The following CCSER1 variants were observed in gnomAD, a reference collection of about 807,000 sequenced individuals.
CCSER1 encodes coiled-coil serine rich protein 1.
Under a neutral mutation model 82.0 loss-of-function variants are expected in CCSER1, and 41 were observed. The ratio of observed to expected loss-of-function variants is 0.50; its 90% confidence interval spans 0.39 to 0.65. The LOEUF is 0.65. CCSER1 is among the 30% of genes least tolerant of loss of function. CCSER1 has a pLI of 0.00. For missense variants in CCSER1, 1,119 were observed against 1,064.2 expected, an observed-to-expected ratio of 1.05 and a Z score of -0.72; for synonymous variants, 414 against 383.9, an observed-to-expected ratio of 1.08 and a Z score of -0.92.
At position 90,815,810 on chromosome 4, in the gene CCSER1, A is replaced by G. The variant is rs1758936224; in HGVS notation, c.2059A>G (p.Lys687Glu). The G allele has an allele frequency of 1.9e-6, 3 of 1,551,278 alleles. No homozygotes were observed. Among genetic ancestry groups the G allele is most frequent in the Non-Finnish European group, 2.6e-6 (3 of 1,146,800 alleles). ...GATGCTCAAGCTGCAGCTGAAAGAGAAGGATGAACTCATTTCCCAACTTCA... is the reference window on the plus strand; with the variant it reads ...GATGCTCAAGCTGCAGCTGAAAGAGGAGGATGAACTCATTTCCCAACTTCA... ...CSMLKLQLKE[K>E]DELISQLQEE... Residue 687 changes from lysine to glutamate, a missense_variant, in exon 8 of 11, where the codon AAG becomes GAG. Transcript: ENST00000509176.
At chr4:90,646,574 A>G (rs1275239358) in intron 6 of CCSER1, among the ~76,000 whole-genome samples, 8 of 152,178 alleles carry the variant, frequency 5.3e-5, no homozygotes, top group Admixed American at 4.6e-4. Context: ...ACCAGGAAGT[A>G]TGTCTGCATT....
intron 9 of CCSER1, among the ~76,000 whole-genome samples, chr4:90,932,916 A>AGG (rs1241015813): frequency 1.1e-3 from 19 of 16,890 alleles, no homozygotes; most frequent in Admixed American, 1.7e-3. Context: ...AGGAGAAAGA[A>AGG]AGAAAGAAAG....
At chr4:91,027,947 T>C (rs1740636331) in intron 9 of CCSER1, among the ~76,000 whole-genome samples, 1 of 152,048 alleles carries the variant, frequency 6.6e-6, no homozygotes, top group South Asian at 2.1e-4. Context: ...GCTGAATATA[T>C]TCTAATCATT....
intron 4 of CCSER1, among the ~76,000 whole-genome samples, chr4:90,423,490 C>T (rs1231569080): frequency 6.6e-6 from 1 of 152,020 alleles, no homozygotes; most frequent in South Asian, 2.1e-4. Flanking sequence ...TCCCAAAGTG[C>T]GGGGAATACA....
At chr4:91,541,129 C>T (rs900864412) in intron 10 of CCSER1, among the ~76,000 whole-genome samples, 2 of 152,112 alleles carry the variant, frequency 1.3e-5, no homozygotes, top group South Asian at 2.1e-4. Flanking sequence ...GAACAAGTTG[C>T]GGCAAAGTGA....
chr4:91,054,813 G>A (rs919924824), intron 9 of CCSER1, among the ~76,000 whole-genome samples: 1 of 152,028 alleles, frequency 6.6e-6, no homozygotes, highest in African/African-American at 2.4e-5. Flanking sequence ...GCTCCAATTA[G>A]CATTCCCTTT....
intron 10 of CCSER1, among the ~76,000 whole-genome samples, chr4:91,567,787 C>T (rs1354040752): frequency 2.0e-5 from 3 of 152,056 alleles, no homozygotes; most frequent in African/African-American, 7.2e-5. Flanking sequence ...CTCTTGAAGA[C>T]AGCTACCCAC....
chr4:91,264,043 T>A (rs1209587551), intron 10 of CCSER1, among the ~76,000 whole-genome samples: 2 of 151,940 alleles, frequency 1.3e-5, no homozygotes, highest in East Asian at 3.9e-4. Context: ...AGAGAAATAA[T>A]TACACTACCA....
chr4:91,214,568 A>C (rs1026279845), intron 10 of CCSER1, among the ~76,000 whole-genome samples: 1 of 152,198 alleles, frequency 6.6e-6, no homozygotes, highest in African/African-American at 2.4e-5. Flanking sequence ...CTAGACTAGA[A>C]ACTACTTGTG....
chr4:90,780,263 A>G (rs1753567381), intron 7 of CCSER1, among the ~76,000 whole-genome samples: 2 of 152,096 alleles, frequency 1.3e-5, no homozygotes, highest in African/African-American at 2.4e-5. Context: ...TTGTTTTCCA[A>G]AAAGGAGATA....
At chr4:90,408,013 A>T (rs1351933432) in intron 4 of CCSER1, among the ~76,000 whole-genome samples, 1 of 152,142 alleles carries the variant, frequency 6.6e-6, no homozygotes, top group Admixed American at 6.5e-5. Flanking sequence ...AGAGGGTCCT[A>T]CGTCCACGGA....
chr4:91,342,185 T>G (rs1578226138), intron 10 of CCSER1, among the ~76,000 whole-genome samples: 1 of 152,190 alleles, frequency 6.6e-6, no homozygotes, highest in Admixed American at 6.5e-5. Flanking sequence ...TTGTTAAAAT[T>G]ATCATACCCA....
At chr4:91,247,909 A>G (rs1256177534) in intron 10 of CCSER1, among the ~76,000 whole-genome samples, 1 of 151,882 alleles carries the variant, frequency 6.6e-6, no homozygotes, top group Admixed American at 6.6e-5. Context: ...ACAACAAAAA[A>G]CACGAACCGG....
chr4:90,449,064 G>T (rs1474618423), intron 4 of CCSER1, among the ~76,000 whole-genome samples: 3 of 152,170 alleles, frequency 2.0e-5, no homozygotes, highest in African/African-American at 7.2e-5. Flanking sequence ...CTCTCAGCTA[G>T]GAGGGAAACC....
chr4:90,775,763 G>A (rs945973434), intron 7 of CCSER1, among the ~76,000 whole-genome samples: 1 of 152,082 alleles, frequency 6.6e-6, no homozygotes, highest in African/African-American at 2.4e-5. Context: ...TATTCTTTGT[G>A]GAGTAAGAGA....
intron 7 of CCSER1, among the ~76,000 whole-genome samples, chr4:90,774,220 G>A (rs368279471): frequency 2.1e-4 from 32 of 152,188 alleles, no homozygotes; most frequent in South Asian, 6.2e-4. Flanking sequence ...GTTAATCAGC[G>A]TTTAGGAAAA....
intron 10 of CCSER1, among the ~76,000 whole-genome samples, chr4:91,129,202 G>A (rs919354443): frequency 2.6e-5 from 4 of 152,016 alleles, no homozygotes; most frequent in African/African-American, 4.8e-5. Context: ...TTCTGTCTGT[G>A]TTAGTTTGCT....
At chr4:90,876,913 A>T (rs2150054533) in intron 8 of CCSER1, among the ~76,000 whole-genome samples, 1 of 152,228 alleles carries the variant, frequency 6.6e-6, no homozygotes, top group African/African-American at 2.4e-5. Flanking sequence ...TTATTTTAAC[A>T]GGCAAAATAT....
chr4:90,932,978 GAAAGAGAAAGAAAGAA>G (rs1561385005), intron 9 of CCSER1, among the ~76,000 whole-genome samples: 29 of 27,880 alleles, frequency 1.0e-3, no homozygotes, highest in Non-Finnish European at 1.3e-3. Context: ...AAGAAAGAAA[GAAAGAGAAAGAAAGAA>G]AGAAAGAAAG....
Sources: allele counts gnomAD v4.1 joint callset (sites outside exome capture counted in the v4.1 genomes callset), GRCh38; gene constraint gnomAD v4.1.1; transcripts MANE v1.5; gene names NCBI Gene and HGNC (gene_info 2026-07-23, HGNC 2026-07-21).